The following ZC3H3 variants were observed in gnomAD, a reference collection of about 807,000 sequenced individuals.
The protein encoded by ZC3H3 is zinc finger CCCH domain-containing protein 3.
Under a neutral mutation model 77.3 loss-of-function variants are expected in ZC3H3, and 36 were observed. That is an observed-to-expected ratio of 0.47 (90% confidence interval 0.36 to 0.61). The LOEUF is 0.61. Among genes scored for constraint, ZC3H3 ranks in the 20% least tolerant of loss-of-function variants. The probability of loss-of-function intolerance (pLI) is 0.00; values close to 1 mark genes in which losing one functional copy is unlikely to be tolerated. For synonymous variants in ZC3H3, 626 were observed against 555.2 expected, an observed-to-expected ratio of 1.13 and a Z score of -1.79; for missense variants, 1,331 against 1,312.2, an observed-to-expected ratio of 1.01 and a Z score of -0.22.
Position 143,539,104 on chromosome 8 carries a change from G to C in ZC3H3, c.263C>G (p.Ala88Gly), listed in dbSNP as rs1822921966. The C allele has an allele frequency of 6.2e-7, 1 of 1,612,874 alleles. No individual in the cohort carries two copies. The highest frequency in any genetic ancestry group is 2.2e-5 in the East Asian group (1 of 44,858). ...GTGCAACGGCCGCACAGCATGGTCG[G>C]CAGGAGGGTCTGAGGGTCCCGGGGG... Reference protein sequence around the residue: ...NRPPGPSDPPADHAVRPLHGA... With the variant: ...NRPPGPSDPPGDHAVRPLHGA... Residue 88 changes from alanine to glycine, a missense_variant, in exon 2 of 12, where the codon GCC (alanine) becomes GGC (glycine). By Grantham distance (60) the Ala-to-Gly change is moderately conservative. Around this residue, in one of 3 missense-constraint regions of ZC3H3, gnomAD observed 978 missense variants for 915.5 expected, o/e 1.07. Coordinates refer to ENST00000262577, the MANE Select transcript of ZC3H3 (RefSeq NM_015117.3).
intron 3 of ZC3H3, among the ~76,000 whole-genome samples, chr8:143,524,482 G>A (rs941815263): frequency 3.3e-5 from 5 of 152,230 alleles, no homozygotes; most frequent in Admixed American, 1.3e-4. Context: ...ACCGCCAGCT[G>A]GTCGGCCTCA....
intron 4 of ZC3H3, among the ~76,000 whole-genome samples, chr8:143,502,174 C>T (rs968205387): frequency 5.3e-5 from 8 of 152,278 alleles, no homozygotes; most frequent in African/African-American, 1.7e-4. Flanking sequence ...CTCAAACGTC[C>T]GGCCCAGGAC....
rs1822941820 is a variant in ZC3H3, at chr8:143,539,569, C to A, written c.47-249G>T. On this transcript the variant is annotated intron_variant, in intron 1 of 11. Transcript: ENST00000262577. Reference sequence around the variant, plus strand: ...TTCAGTCCTACTTCTGCCTGCTTCACACAGAAATGAACCGTGTGGTGTAAC... The same window carrying A: ...TTCAGTCCTACTTCTGCCTGCTTCAAACAGAAATGAACCGTGTGGTGTAAC... 1.3e-5 allele frequency among the ~76,000 whole-genome samples: 2 copies of A among 152,220 alleles called. 1 individual carries two copies. The highest frequency in any genetic ancestry group is 4.1e-4 in the South Asian group (2 of 4,838).
intron 4 of ZC3H3, among the ~76,000 whole-genome samples, chr8:143,499,331 G>A (rs1232036183): frequency 6.6e-6 from 1 of 152,090 alleles, no homozygotes; most frequent in Non-Finnish European, 1.5e-5. Context: ...AGAGCATGGT[G>A]GGAGCCGGGA....
chr8:143,445,964 T>C (rs1224738736), intron 9 of ZC3H3, among the ~76,000 whole-genome samples: 1 of 152,226 alleles, frequency 6.6e-6, no homozygotes, highest in Non-Finnish European at 1.5e-5. Context: ...TTTATTATTA[T>C]GAAGCTCAAA....
At chr8:143,505,116 C>T (rs914643923) in intron 4 of ZC3H3, among the ~76,000 whole-genome samples, 1 of 152,218 alleles carries the variant, frequency 6.6e-6, no homozygotes, top group Non-Finnish European at 1.5e-5. Context: ...CAACTCTGAC[C>T]ACCGTGGCTT....
At chr8:143,541,076 C>G (rs1428524971) in intron 1 of ZC3H3, among the ~76,000 whole-genome samples, 3 of 152,174 alleles carry the variant, frequency 2.0e-5, no homozygotes, top group African/African-American at 7.2e-5. Context: ...CGCCGGGGGA[C>G]GCGACAGCCC....
At chr8:143,536,130 G>T in intron 3 of ZC3H3, 127 bp downstream of exon 3, 1 of 1,179,546 alleles carries the variant, frequency 8.5e-7, no homozygotes, top group Non-Finnish European at 1.2e-6. Flanking sequence ...CGTCTGCCAG[G>T]CAGTGCCCTC....
rs914954391 is a variant in ZC3H3, at chr8:143,533,728, C to T, written c.1561+2529G>A. Among the ~76,000 whole-genome samples the T allele has an allele frequency of 1.3e-5, 2 of 151,426 alleles. No homozygotes were observed. Among genetic ancestry groups the T allele is most frequent in the Admixed American group, 6.6e-5 (1 of 15,232 alleles). On this transcript the variant is annotated intron_variant, in intron 3 of 11. Transcript: ENST00000262577. The surrounding 1 kb of genome is among the most constrained non-coding windows in gnomAD (Gnocchi z 4.0). Reference sequence around the variant, plus strand: ...TTGAGACAAAATGTCACTCTGTCGCCCAGGCTGGAGTACAATGGCACGATC... The same window carrying T: ...TTGAGACAAAATGTCACTCTGTCGCTCAGGCTGGAGTACAATGGCACGATC...
chr8:143,518,648 G>A (rs1822140766), intron 3 of ZC3H3, among the ~76,000 whole-genome samples: 1 of 152,210 alleles, frequency 6.6e-6, no homozygotes. Flanking sequence ...GTGCCCTGAG[G>A]GCCTCCTCCA....
intron 9 of ZC3H3, among the ~76,000 whole-genome samples, chr8:143,442,432 C>CGGGGGGGGG (rs72497486): frequency 2.1e-5 from 2 of 93,878 alleles, no homozygotes; most frequent in Admixed American, 2.2e-4. Flanking sequence ...GCAAGGCCTC[C>CGGGGGGGGG]GGGGGGGGGG....
At chr8:143,476,626 C>A (rs181999455) in intron 4 of ZC3H3, among the ~76,000 whole-genome samples, 2 of 152,246 alleles carry the variant, frequency 1.3e-5, no homozygotes. Flanking sequence ...TCACGCTCTG[C>A]TCAAGCTGCC....
At chr8:143,488,561 C>G (rs1407639112) in intron 4 of ZC3H3, among the ~76,000 whole-genome samples, 4 of 149,290 alleles carry the variant, frequency 2.7e-5, no homozygotes, top group Admixed American at 2.0e-4. Flanking sequence ...CCCATCACCA[C>G]GAAGTTCAGG....
chr8:143,513,004 C>T (rs1468319963), intron 3 of ZC3H3, among the ~76,000 whole-genome samples: 1 of 147,988 alleles, frequency 6.8e-6, no homozygotes. Flanking sequence ...CCAGAGGAGT[C>T]GGGGCTGCAA....
intron 3 of ZC3H3, among the ~76,000 whole-genome samples, chr8:143,509,853 C>T (rs1639543464): frequency 6.6e-6 from 1 of 152,212 alleles, no homozygotes; most frequent in Non-Finnish European, 1.5e-5. Flanking sequence ...AGCTCCATTC[C>T]CGTCGCCAAA....
intron 1 of ZC3H3, among the ~76,000 whole-genome samples, chr8:143,540,726 C>T (rs1417966748): frequency 6.6e-6 from 1 of 151,422 alleles, no homozygotes; most frequent in African/African-American, 2.4e-5. Context: ...GAGGCCGAGG[C>T]GGGTGAATCA....
chr8:143,539,067 C>A lies in ZC3H3; in HGVS notation c.300G>T (p.Gly100=), dbSNP rs769614031. ...HAVRPLHGAR[G]GQPPVPQQHV... is the part of the protein sequence containing the mutation. ...GCTGCTGCGGGACAGGAGGCTGGCCCCCCCGGGCCCCGTGCAACGGCCGCA... is the reference window on the plus strand; with the variant it reads ...GCTGCTGCGGGACAGGAGGCTGGCCACCCCGGGCCCCGTGCAACGGCCGCA... Residue 100 remains glycine, a synonymous_variant, in exon 2 of 12, where the codon GGG becomes GGT. Transcript: ENST00000262577. 6 of 1,612,878 alleles carry A rather than the reference C, an allele frequency of 3.7e-6. No homozygotes were observed. The African/African-American group carries it at 6.7e-5, about 18-fold the overall frequency.
intron 8 of ZC3H3, among the ~76,000 whole-genome samples, chr8:143,466,569 C>G (rs1347180130): frequency 6.6e-6 from 1 of 152,176 alleles, no homozygotes; most frequent in African/African-American, 2.4e-5. Context: ...AATGGCTGGG[C>G]TAGGGCCACC....
At chr8:143,517,475 C>G (rs529173612) in intron 3 of ZC3H3, among the ~76,000 whole-genome samples, 1 of 152,172 alleles carries the variant, frequency 6.6e-6, no homozygotes, top group Non-Finnish European at 1.5e-5. Context: ...GGGGTAGGCT[C>G]GGGGCATGCA....
Sources: allele counts gnomAD v4.1 joint callset (sites outside exome capture counted in the v4.1 genomes callset), GRCh38; gene constraint gnomAD v4.1.1; regional missense constraint gnomAD v4.1.1; non-coding constraint Gnocchi (gnomAD v3.1); transcripts MANE v1.5; gene names NCBI Gene and HGNC (gene_info 2026-07-23, HGNC 2026-07-21).